The following ANGPT1 variants were observed in gnomAD, a reference collection of about 807,000 sequenced individuals.
The protein encoded by ANGPT1 is angiopoietin 1, also known as angiopoietin-1.
Under a neutral mutation model 62.2 loss-of-function variants are expected in ANGPT1, and 17 were observed. The ratio of observed to expected loss-of-function variants is 0.27; its 90% CI spans 0.19 to 0.41. The LOEUF (loss-of-function observed/expected upper bound fraction) is 0.41, where lower values mean the gene tolerates loss of function less well. Among genes scored for constraint, ANGPT1 ranks in the 10% least tolerant of loss-of-function variants. ANGPT1 has a pLI of 1.00. For synonymous variants in ANGPT1, 199 were observed against 198.9 expected (o/e 1.00, Z 0.00); for missense variants, 478 against 594.9 (o/e 0.80, Z 2.04).
At chr8:107,366,993 C>A (rs185224215) in intron 1 of ANGPT1, among the ~76,000 whole-genome samples, 1 of 152,048 alleles carries the variant, frequency 6.6e-6, no homozygotes, top group African/African-American at 2.4e-5. Flanking sequence ...CCAACAACAA[C>A]GGGGGAATAG....
chr8:107,451,340 C>CAT (rs71308736), intron 1 of ANGPT1, among the ~76,000 whole-genome samples: 1 of 151,346 alleles, frequency 6.6e-6, no homozygotes, highest in South Asian at 2.1e-4. Flanking sequence ...CACACACACA[C>CAT]GTGTACGTGC....
rs965930421 is a variant in ANGPT1 at position 107,365,874 on chromosome 8, C to T, written c.298-18777G>A. The stretch of plus-strand genomic sequence containing the variant: ...CAAATACAACACACACACACACACA[C>T]ACACACACACACACACGATTTTGCC... On this transcript the variant is annotated intron_variant, in intron 1 of 8. Transcript: ENST00000517746. Among the ~76,000 whole-genome samples the T allele has an allele frequency of 2.1e-3, 321 of 151,860 alleles. 3 individuals are homozygous for T. Among genetic ancestry groups the T allele is most frequent in the African/African-American group, 6.9e-3 (284 of 41,400 alleles).
chr8:107,297,513 A>C (rs113286257), intron 5 of ANGPT1, among the ~76,000 whole-genome samples: 16 of 150,766 alleles, frequency 1.1e-4, no homozygotes, highest in Admixed American at 1.3e-4. Flanking sequence ...CGCATTATAC[A>C]CTCTATGTAT....
intron 7 of ANGPT1, among the ~76,000 whole-genome samples, chr8:107,267,103 C>T (rs1033165232): frequency 1.3e-5 from 2 of 151,922 alleles, no homozygotes; most frequent in Non-Finnish European, 2.9e-5. Flanking sequence ...TTTTTGAACA[C>T]TATAAGTAAA....
intron 1 of ANGPT1, among the ~76,000 whole-genome samples, chr8:107,483,928 A>G (rs1812750308): frequency 6.6e-6 from 1 of 152,232 alleles, no homozygotes; most frequent in Non-Finnish European, 1.5e-5. Context: ...CATATTTGTG[A>G]AAGTTTTTTA....
At chr8:107,252,061 T>A (rs1415633506) in intron 8 of ANGPT1, 46 bp from the exon 9 acceptor site, 1 of 1,565,200 alleles carries the variant, frequency 6.4e-7, no homozygotes, top group Non-Finnish European at 8.7e-7. Flanking sequence ...AGGCAACAAT[T>A]TTAAGTAAAT....
rs568754354 is a variant in ANGPT1 at position 107,408,751 on chromosome 8, G to A, written c.298-61654C>T. ...TTTCATGTTTTATAGATCAGTCTCT[G>A]CTTATGTGCTTCAAGAACACACAAT... On this transcript the variant is annotated intron_variant, in intron 1 of 8. Coordinates refer to ENST00000517746, the MANE Select transcript of ANGPT1 (RefSeq NM_001146.5). Among the ~76,000 whole-genome samples, 9 of 152,176 alleles carry A rather than the reference G, an allele frequency of 5.9e-5. No individual in the cohort carries two copies. The East Asian group carries it at 1.7e-3, about 29-fold the overall frequency.
intron 1 of ANGPT1, among the ~76,000 whole-genome samples, chr8:107,395,133 G>A (rs1172077359): frequency 2.0e-5 from 3 of 152,072 alleles, no homozygotes; most frequent in African/African-American, 7.2e-5. Context: ...TGAATCTAGA[G>A]GCTTTTATCT....
chr8:107,449,739 T>C (rs1811718369), intron 1 of ANGPT1, among the ~76,000 whole-genome samples: 1 of 152,110 alleles, frequency 6.6e-6, no homozygotes, highest in East Asian at 1.9e-4. Context: ...GTTGTAATAT[T>C]TATTGATTTC....
intron 1 of ANGPT1, among the ~76,000 whole-genome samples, chr8:107,399,032 C>T (rs897231848): frequency 2.0e-5 from 3 of 152,124 alleles, no homozygotes; most frequent in Admixed American, 6.5e-5. Context: ...CCACACTTTT[C>T]GGAACCTCCA....
At chr8:107,481,532 C>CAAAAAAAAAAAAAAAAAAAAAAAAA (rs71562147) in intron 1 of ANGPT1, among the ~76,000 whole-genome samples, 1 of 64,316 alleles carries the variant, frequency 1.6e-5, no homozygotes, top group Admixed American at 2.0e-4. Context: ...GACTCTGTCT[C>CAAAAAAAAAAAAAAAAAAAAAAAAA]AAAAAAAAAA....
chr8:107,445,324 G>A (rs1332449663), intron 1 of ANGPT1, among the ~76,000 whole-genome samples: 1 of 152,056 alleles, frequency 6.6e-6, no homozygotes, highest in Non-Finnish European at 1.5e-5. Context: ...TGGATGCAAT[G>A]GGGAGGGAGA....
rs375815159 is a variant in ANGPT1, at chr8:107,420,520, C to T, written c.298-73423G>A. ...AGTTGTCTCTCCTCTATTTACTTTACTTTTCCATCATAAATTTGATAGAAC... is the reference window on the plus strand; with the variant it reads ...AGTTGTCTCTCCTCTATTTACTTTATTTTTCCATCATAAATTTGATAGAAC... On this transcript the variant is annotated intron_variant, in intron 1 of 8. Transcript: ENST00000517746. Among the ~76,000 whole-genome samples, 282 of 152,272 alleles carry T rather than the reference C, an allele frequency of 1.9e-3. 7 individuals are homozygous for T. The South Asian group carries it at 0.053, about 29-fold the overall frequency.
rs150316178 is a variant in ANGPT1, at chr8:107,372,627, G to A, written c.298-25530C>T. Among the ~76,000 whole-genome samples the A allele has an allele frequency of 1.4e-4, 22 of 151,960 alleles. No individual in the cohort carries two copies. The East Asian group carries it at 1.9e-3, about 13-fold the overall frequency. On this transcript the variant is annotated intron_variant, in intron 1 of 8. Coordinates refer to ENST00000517746, the MANE Select transcript of ANGPT1 (RefSeq NM_001146.5). ...GAAATGATCACGGCTGCTGTTTCTC[G>A]AAATGTCTGCTCCTTAAAGACCATG... is the stretch of plus-strand genomic sequence containing the variant.
intron 1 of ANGPT1, among the ~76,000 whole-genome samples, chr8:107,362,507 G>A (rs922401459): frequency 1.3e-5 from 2 of 152,056 alleles, no homozygotes; most frequent in Admixed American, 1.3e-4. Context: ...GTCCTGATGT[G>A]CATTCCCACC....
intron 8 of ANGPT1, among the ~76,000 whole-genome samples, chr8:107,257,926 TTC>T (rs142506893): frequency 0.019 from 2,346 of 121,864 alleles, 39 homozygotes; most frequent in African/African-American, 0.042. Context: ...TGTTCTTTCT[TTC>T]TCTCTCTCTC....
intron 1 of ANGPT1, among the ~76,000 whole-genome samples, chr8:107,466,272 G>GC (rs1812196436): frequency 6.6e-6 from 1 of 152,092 alleles, no homozygotes; most frequent in South Asian, 2.1e-4. Flanking sequence ...TATTAACAGA[G>GC]CCCCCTTTCT....
chr8:107,319,059 A>G (rs1318619100), intron 4 of ANGPT1, among the ~76,000 whole-genome samples: 1 of 152,212 alleles, frequency 6.6e-6, no homozygotes, highest in Non-Finnish European at 1.5e-5. Context: ...AAAGCACATA[A>G]TGAATGTACT....
At chr8:107,418,892 C>G (rs1382691628) in intron 1 of ANGPT1, among the ~76,000 whole-genome samples, 1 of 152,126 alleles carries the variant, frequency 6.6e-6, no homozygotes, top group Non-Finnish European at 1.5e-5. Flanking sequence ...AGTACTCTCT[C>G]AAAATCAGGG....
Sources: allele counts gnomAD v4.1 joint callset (sites outside exome capture counted in the v4.1 genomes callset), GRCh38; gene constraint gnomAD v4.1.1; transcripts MANE v1.5; gene names NCBI Gene and HGNC (gene_info 2026-07-23, HGNC 2026-07-21).